PCYT1B: variants seen among roughly 807,000 people sequenced by gnomAD.
PCYT1B encodes the protein choline-phosphate cytidylyltransferase B.
Under a neutral mutation model 26.4 loss-of-function variants are expected in PCYT1B, and 10 were observed. The ratio of observed to expected loss-of-function variants is 0.38; its 90% CI spans 0.23 to 0.64. PCYT1B has a LOEUF of 0.64. PCYT1B is among the 30% of genes least tolerant of loss of function. The pLI is 0.56. For synonymous variants in PCYT1B, 131 were observed against 108.4 expected (o/e 1.21, Z -1.29); for missense variants, 161 against 292.7 (o/e 0.55, Z 3.28).
At chrX:24,631,840 C>G (rs1926104691) in intron 1 of PCYT1B, among the ~76,000 whole-genome samples, 1 of 111,142 alleles carries the variant, frequency 9.0e-6, no homozygotes, top group Non-Finnish European at 1.9e-5. Context: ...TGGCGCATGC[C>G]TGTAATCCCA....
intron 3 of PCYT1B, among the ~76,000 whole-genome samples, chrX:24,597,265 C>T (rs1361480905): frequency 9.1e-6 from 1 of 110,326 alleles, no homozygotes; most frequent in Non-Finnish European, 1.9e-5. Context: ...GCTGGGATTA[C>T]AGGCGTGTGC....
At chrX:24,572,263 C>T (rs1012097798) in intron 7 of PCYT1B, among the ~76,000 whole-genome samples, 43 of 67,030 alleles carry the variant, frequency 6.4e-4, no homozygotes, top group African/African-American at 1.8e-3. Context: ...CACACACGCG[C>T]GCGCACACAC....
chrX:24,625,589 A>T (rs1602190356), intron 1 of PCYT1B, among the ~76,000 whole-genome samples: 1 of 108,589 alleles, frequency 9.2e-6, no homozygotes, highest in East Asian at 2.8e-4. Context: ...TTAGTTATGT[A>T]TGGAATGTAC....
At chrX:24,588,871 G>T (rs982098915) in intron 4 of PCYT1B, among the ~76,000 whole-genome samples, 2 of 111,306 alleles carry the variant, frequency 1.8e-5, no homozygotes, top group African/African-American at 6.5e-5. Context: ...AAAACAATTA[G>T]TACGGAGTAT....
intron 1 of PCYT1B, among the ~76,000 whole-genome samples, chrX:24,667,237 A>G (rs944899882): frequency 1.8e-5 from 2 of 110,877 alleles, no homozygotes; most frequent in Non-Finnish European, 3.8e-5. Context: ...GGCAGTGATT[A>G]TACATCCACT....
chrX:24,662,494 T>A (rs1181894657), intron 1 of PCYT1B, among the ~76,000 whole-genome samples: 6 of 111,684 alleles, frequency 5.4e-5, no homozygotes, highest in Non-Finnish European at 9.4e-5. Flanking sequence ...TGACCTTGAA[T>A]GTGTCCATAG....
chrX:24,600,989 TAAATGCCAAACTATATGTAAATGTA>T (rs1292211274), intron 3 of PCYT1B, among the ~76,000 whole-genome samples: 2 of 110,610 alleles, frequency 1.8e-5, no homozygotes, highest in Non-Finnish European at 3.8e-5. Context: ...AAATCAAATG[TAAATGCCAAACTATATGTAAATGTA>T]AAATGCCAAA....
At chrX:24,667,743 T>A (rs1167033011) in intron 1 of PCYT1B, among the ~76,000 whole-genome samples, 1 of 110,863 alleles carries the variant, frequency 9.0e-6, no homozygotes, top group Non-Finnish European at 1.9e-5. Flanking sequence ...AAATATAATA[T>A]CTCCTTTCCC....
chrX:24,596,811 C>T (rs907030592), intron 3 of PCYT1B, among the ~76,000 whole-genome samples: 5 of 111,136 alleles, frequency 4.5e-5, no homozygotes, highest in Middle Eastern at 4.6e-3. Context: ...GTGAAGTCTT[C>T]GCTCCACCCA....
At position 24,561,994 on chromosome X, in the gene PCYT1B, C is replaced by T. The variant is rs992183774; in HGVS notation, c.*299G>A. On this transcript the variant is annotated 3_prime_UTR_variant, in exon 8 of 8. Coordinates refer to ENST00000379144, the MANE Select transcript of PCYT1B (RefSeq NM_004845.5). Reference sequence around the variant, plus strand: ...TGGAAGGACCAAAGCAGAAGTCACCCCATCAGTGCAAGTCTCTCTAGGGAA... The same window carrying T: ...TGGAAGGACCAAAGCAGAAGTCACCTCATCAGTGCAAGTCTCTCTAGGGAA... 4 of 908,512 alleles carry T rather than the reference C, an allele frequency of 4.4e-6. No homozygotes were observed. The African/African-American group carries it at 7.8e-5, about 18-fold the overall frequency. 74.9% of individuals were successfully genotyped at this position (908,512 alleles called of 1,213,427 possible).
upstream of PCYT1B, chrX:24,647,368 C>T (rs993207851): frequency 6.4e-6 from 5 of 784,942 alleles, no homozygotes; most frequent in African/African-American, 1.1e-4. Context: ...GTGCGGGATA[C>T]AGTATCTCAT....
rs1046116587 is a variant in PCYT1B, at chrX:24,616,795, A to G, written c.217+2190T>C. 3.6e-5 allele frequency among the ~76,000 whole-genome samples: 4 copies of G among 111,741 alleles called. No individual in the cohort carries two copies. The Admixed American group carries it at 3.8e-4, about 11-fold the overall frequency. On this transcript the variant is annotated intron_variant, in intron 2 of 7. Coordinates refer to ENST00000379144, the MANE Select transcript of PCYT1B (RefSeq NM_004845.5). The stretch of plus-strand genomic sequence containing the variant: ...TTGGCTGCTCTGTGCTACCTCCCCA[A>G]CCTTGTTTTGCCTTTTTCAAAAGCA...
intron 1 of PCYT1B, among the ~76,000 whole-genome samples, chrX:24,637,509 T>TATATATATATATATATATATATATAAAA (rs779316769): frequency 4.7e-5 from 3 of 64,058 alleles, no homozygotes; most frequent in Admixed American, 4.4e-4. Flanking sequence ...TATATATATA[T>TATATATATATATATATATATATATAAAA]ATAAATTAGC....
At chrX:24,661,047 T>C (rs1026156300) in intron 1 of PCYT1B, among the ~76,000 whole-genome samples, 7 of 111,774 alleles carry the variant, frequency 6.3e-5, no homozygotes, top group African/African-American at 2.3e-4. Flanking sequence ...AGTTATATTA[T>C]CCTTTTTAAA....
chrX:24,616,307 G>A (rs915907980), intron 2 of PCYT1B, among the ~76,000 whole-genome samples: 2 of 101,547 alleles, frequency 2.0e-5, no homozygotes, highest in Non-Finnish European at 3.9e-5. Flanking sequence ...GTGCGATCTC[G>A]GCTCACTGCA....
In PCYT1B at chrX:24,562,081, C is replaced by A; in HGVS notation, c.*212G>T. 8.3e-7 allele frequency: 1 copy of A among 1,209,145 alleles called. No individual in the cohort carries two copies. The highest frequency in any genetic ancestry group is 1.1e-6 in the Non-Finnish European group (1 of 893,407). ...AGACGCTAAGGTTTGTGTAGGTTGT[C>A]CAGCTAGAAGTCTCTGCACCTCGCC... On this transcript the variant is annotated 3_prime_UTR_variant, in exon 8 of 8. Transcript: ENST00000379144.
At chrX:24,564,890 T>C (rs1211062208) in intron 7 of PCYT1B, among the ~76,000 whole-genome samples, 2 of 111,264 alleles carry the variant, frequency 1.8e-5, no homozygotes, top group African/African-American at 6.6e-5. Flanking sequence ...CGGGACTCAC[T>C]GACAGATGGG....
At chrX:24,664,827 G>A (rs1044466842) in intron 1 of PCYT1B, among the ~76,000 whole-genome samples, 5 of 111,410 alleles carry the variant, frequency 4.5e-5, no homozygotes, top group African/African-American at 1.6e-4. Context: ...GCATGGTGGC[G>A]CACGCCTGTG....
At chrX:24,645,771 T>A (rs1160412296) in intron 1 of PCYT1B, among the ~76,000 whole-genome samples, 2 of 111,380 alleles carry the variant, frequency 1.8e-5, no homozygotes, top group Non-Finnish European at 3.8e-5. Context: ...AAAACATTTT[T>A]AAAAATAGAA....
Sources: allele counts gnomAD v4.1 joint callset (sites outside exome capture counted in the v4.1 genomes callset), GRCh38; gene constraint gnomAD v4.1.1; transcripts MANE v1.5; gene names NCBI Gene and HGNC (gene_info 2026-07-23, HGNC 2026-07-21).